The following STARD13 variants were observed in gnomAD, a reference collection of about 807,000 sequenced individuals.
The protein encoded by STARD13 is StAR related lipid transfer domain containing 13.
A neutral mutation model predicts 106.4 loss-of-function variants in STARD13; 62 were observed. The observed-to-expected ratio is 0.58, with a 90% CI of 0.48 to 0.72. STARD13 has a LOEUF of 0.72. Among genes scored for constraint, STARD13 ranks in the 30% least tolerant of loss-of-function variants. The pLI is 0.00. For missense variants in STARD13, 1,387 were observed against 1,424.0 expected, an observed-to-expected ratio of 0.97 and a Z score of 0.42; for synonymous variants, 565 against 553.0, an observed-to-expected ratio of 1.02 and a Z score of -0.31.
the STARD13 span, among the ~76,000 whole-genome samples, chr13:33,451,650 A>T: frequency 6.6e-6 from 1 of 152,212 alleles, no homozygotes; most frequent in Non-Finnish European, 1.5e-5. Context: ...GCCGGAGCTC[A>T]GGAATGTGGA....
the STARD13 span, among the ~76,000 whole-genome samples, chr13:33,672,710 C>T: frequency 6.6e-6 from 1 of 152,098 alleles, no homozygotes; most frequent in African/African-American, 2.4e-5. Context: ...ATAAAGCTGT[C>T]CCATGTTTGA....
chr13:33,561,740 C>T, the STARD13 span, among the ~76,000 whole-genome samples: 6 of 146,550 alleles, frequency 4.1e-5, 1 homozygote, highest in Non-Finnish European at 9.0e-5. Flanking sequence ...AAATATTATA[C>T]TCTAACACTT....
rs144088230 is a variant in STARD13, at chr13:33,274,737, C to T, written c.169+10733G>A. Among the ~76,000 whole-genome samples, 15 of 152,226 alleles carry T rather than the reference C, an allele frequency of 9.9e-5. No individual in the cohort carries two copies. The East Asian group carries it at 2.7e-3, about 27-fold the overall frequency. On this transcript the variant is annotated intron_variant, in intron 1 of 13. Coordinates refer to ENST00000336934, the MANE Select transcript of STARD13 (RefSeq NM_178006.4). ...GGGTTTGGTGGCCTCCTGCTGCCAT[C>T]ACTGGAGGATCAAAAATAGATATTG... is the stretch of plus-strand genomic sequence containing the variant.
the STARD13 span, among the ~76,000 whole-genome samples, chr13:33,626,913 CA>C: frequency 2.0e-5 from 3 of 151,778 alleles, no homozygotes; most frequent in East Asian, 5.8e-4. Flanking sequence ...CCTGCACTAG[CA>C]AAAAAATAAA....
At chr13:33,146,381 G>C (rs552127611) in intron 3 of STARD13, among the ~76,000 whole-genome samples, 1 of 152,206 alleles carries the variant, frequency 6.6e-6, no homozygotes, top group Admixed American at 6.5e-5. Flanking sequence ...CTACACAGGA[G>C]GCTGAAGTGA....
At chr13:33,632,903 T>C in the STARD13 span, among the ~76,000 whole-genome samples, 2 of 152,042 alleles carry the variant, frequency 1.3e-5, no homozygotes, top group Non-Finnish European at 1.5e-5. Flanking sequence ...AACTGAATAA[T>C]GATCAATGAA....
In STARD13 at chr13:33,315,114, C is replaced by T. The variant is rs187833812; in HGVS notation, c.124+35176G>A. Among the ~76,000 whole-genome samples, 208 of 152,298 alleles carry T rather than the reference C, an allele frequency of 1.4e-3. 3 individuals are homozygous for T. The highest frequency in any genetic ancestry group is 4.3e-3 in the Admixed American group (65 of 15,286). ...CTTTGCAAAATACTTTGTCAAGGAA[C>T]AGACAGATGCTCATCTTCAGTAATG... On this transcript the variant is annotated intron_variant, in intron 1 of 5. Transcript: ENST00000567873.
chr13:33,195,698 AG>A (rs1301075165), intron 1 of STARD13, among the ~76,000 whole-genome samples: 1 of 152,196 alleles, frequency 6.6e-6, no homozygotes, highest in Non-Finnish European at 1.5e-5. Flanking sequence ...TTTAGACACA[AG>A]AACGGAAATT....
At chr13:33,421,191 C>T in the STARD13 span, among the ~76,000 whole-genome samples, 11,753 of 152,090 alleles carry the variant, frequency 0.077, 1,383 homozygotes, top group African/African-American at 0.26. Flanking sequence ...AACTGATAAA[C>T]TGCTAGTAAG....
chr13:33,560,045 T>C, the STARD13 span, among the ~76,000 whole-genome samples: 1 of 151,548 alleles, frequency 6.6e-6, no homozygotes, highest in Non-Finnish European at 1.5e-5. Flanking sequence ...TGGTATTTTG[T>C]AGTATAGCAA....
At chr13:33,609,756 C>T in the STARD13 span, among the ~76,000 whole-genome samples, 5 of 151,844 alleles carry the variant, frequency 3.3e-5, no homozygotes, top group Non-Finnish European at 7.4e-5. Flanking sequence ...TTAGTAGAGA[C>T]GTGGTTTCAC....
chr13:33,189,489 T>C lies in STARD13; in HGVS notation c.170-21867A>G, dbSNP rs779803780. On this transcript the variant is annotated intron_variant, in intron 1 of 13. Coordinates refer to ENST00000336934, the MANE Select transcript of STARD13 (RefSeq NM_178006.4). ...GAAGGGACTCTCTGGTTTGTCGTCC[T>C]TTCAAAATTCCTAAACAAATTCAGT... 1.3e-4 allele frequency among the ~76,000 whole-genome samples: 19 copies of C among 149,390 alleles called. No homozygotes were observed. The South Asian group carries it at 1.5e-3, about 12-fold the overall frequency.
Position 33,121,669 on chromosome 13 carries a change from C to CTTTTTT in STARD13, c.2083-3412_2083-3407dup, listed in dbSNP as rs398022242. ...ATGGAGAAGAAACCTGTTGTTCATCCTTTTTTTTTTTTTTTTTTGAGACAG... is the reference window on the plus strand; with the variant it reads ...ATGGAGAAGAAACCTGTTGTTCATCCTTTTTTTTTTTTTTTTTTTTTTTTGAGACAG... On this transcript the variant is annotated intron_variant, in intron 7 of 13. Coordinates refer to ENST00000336934, the MANE Select transcript of STARD13 (RefSeq NM_178006.4). 7.3e-4 allele frequency among the ~76,000 whole-genome samples: 81 copies of CTTTTTT among 110,432 alleles called. 3 individuals carry two copies. The highest frequency in any genetic ancestry group is 9.1e-4 in the Non-Finnish European group (52 of 57,316). 72.4% of individuals were successfully genotyped at this position (110,432 alleles called of 152,430 possible).
At chr13:33,629,229 C>A in the STARD13 span, among the ~76,000 whole-genome samples, 7 of 152,226 alleles carry the variant, frequency 4.6e-5, no homozygotes, top group Non-Finnish European at 1.0e-4. Flanking sequence ...TCACTTTTAA[C>A]TATACTTCAT....
At chr13:33,447,781 T>C in the STARD13 span, among the ~76,000 whole-genome samples, 1 of 152,084 alleles carries the variant, frequency 6.6e-6, no homozygotes, top group Non-Finnish European at 1.5e-5. Context: ...AATGGAGAGA[T>C]GGGAGTGTTA....
intron 1 of STARD13, among the ~76,000 whole-genome samples, chr13:33,205,464 G>A (rs531974164): frequency 6.6e-6 from 1 of 152,238 alleles, no homozygotes; most frequent in South Asian, 2.1e-4. Flanking sequence ...TTAATAAACT[G>A]CCTTTGAGGA....
intron 1 of STARD13, among the ~76,000 whole-genome samples, chr13:33,177,875 A>G (rs1428040064): frequency 1.3e-3 from 7 of 5,490 alleles, no homozygotes; most frequent in African/African-American, 9.1e-3. Context: ...GGAAGGAAGG[A>G]AAGGAAGGAA....
the STARD13 span, among the ~76,000 whole-genome samples, chr13:33,613,005 A>G: frequency 2.0e-3 from 307 of 152,334 alleles, no homozygotes; most frequent in African/African-American, 7.0e-3. Context: ...AAATTGTGGT[A>G]TTAAGTTTGA....
At chr13:33,613,280 A>G in the STARD13 span, among the ~76,000 whole-genome samples, 4 of 152,348 alleles carry the variant, frequency 2.6e-5, no homozygotes, top group South Asian at 8.3e-4. Context: ...AGAAAGGGTG[A>G]GTCTAAGCTT....
Sources: gnomAD v4.1 joint callset for allele counts (sites outside exome capture counted in the v4.1 genomes callset) on GRCh38, gnomAD v4.1.1 for gene constraint, MANE v1.5 for transcripts, NCBI Gene and HGNC (gene_info 2026-07-23, HGNC 2026-07-21) for gene names.